FOXP3: variants seen among roughly 807,000 people sequenced by gnomAD.
The protein encoded by FOXP3 is forkhead box protein P3.
FOXP3 carries 5 observed loss-of-function variants against 31.2 expected under a neutral mutation model. The ratio of observed to expected loss-of-function variants is 0.16; its 90% CI spans 0.08 to 0.34. The LOEUF is 0.34. Ranked by LOEUF, FOXP3 falls within the 10% of genes least tolerant of loss-of-function variation. The pLI, the probability that FOXP3 is intolerant of heterozygous loss-of-function variation, is 1.00. For synonymous variants in FOXP3, 141 were observed against 148.8 expected, an observed-to-expected ratio of 0.95 and a Z score of 0.38; for missense variants, 251 against 363.0, an observed-to-expected ratio of 0.69 and a Z score of 2.51.
In FOXP3 at chrX:49,257,654, C is replaced by T. The variant is rs1557116597; in HGVS notation, c.315+10G>A. ...CTGCTCCCTCCTCCCTGCCCATTCA[C>T]CGTCCATACCTGGTGCATGAAATGT... On this transcript the variant is annotated intron_variant, in intron 3 of 11. Coordinates refer to ENST00000376207, the MANE Select transcript of FOXP3 (RefSeq NM_014009.4). The T allele has an allele frequency of 8.5e-7, 1 of 1,179,415 alleles. No homozygotes were observed.
Position 49,253,161 on chromosome X carries a change from G to T in FOXP3, c.1009C>A (p.Arg337=), listed in dbSNP as rs1057517736. ...AGCGTGGCGTAGGTGAAAGGGGGTC[G>T]CATGTTGTGGAACTTGAAGTAGTCC... The part of the protein sequence containing the change: ...NMDYFKFHNM[R]PPFTYATLIR... The change falls in exon 10 of 12, where the codon CGA becomes AGA. Residue 337 remains arginine, a synonymous_variant. Transcript: ENST00000376207. 15 of 1,207,388 alleles carry T rather than the reference G, an allele frequency of 1.2e-5. No individual in the cohort carries two copies. The highest frequency in any genetic ancestry group is 1.7e-5 in the Non-Finnish European group (15 of 894,025).
Position 49,251,101 on chromosome X carries a change from G to A in FOXP3, c.*233C>T, listed in dbSNP as rs2066027237. On this transcript the variant is annotated 3_prime_UTR_variant, in exon 12 of 12. Transcript: ENST00000376207. ...ACTGGGGGGTGTGTCTGGGGCGGAG[G>A]TGGGGGCTGGGGCCAGGACCGGGGC... 1 of 432,773 alleles carries A rather than the reference G, an allele frequency of 2.3e-6. No homozygotes were observed. The highest frequency in any genetic ancestry group is 2.6e-5 in the African/African-American group (1 of 38,944). The allele number at this position is 432,773 out of a possible 1,213,427, so 35.7% of individuals were successfully genotyped here. A position where few individuals can be genotyped will look rare whatever the true frequency, so the allele number is the denominator to read the frequency against.
intron 2 of FOXP3, among the ~76,000 whole-genome samples, 158 bp downstream of exon 2, chrX:49,258,138 C>T (rs1017797613): frequency 1.8e-5 from 2 of 111,715 alleles, no homozygotes; most frequent in Non-Finnish European, 3.8e-5. Flanking sequence ...TTTTCTTGGC[C>T]CTGCAACATC....
chrX:49,251,169 G>A lies in FOXP3; in HGVS notation c.*165C>T. 3 of 644,458 alleles carry A rather than the reference G, an allele frequency of 4.7e-6. No homozygotes were observed. The East Asian group carries it at 1.1e-4, about 23-fold the overall frequency. The allele number at this position is 644,458 out of a possible 1,213,427, so 53.1% of individuals were successfully genotyped here. ...GGGCAAAGGATATGATGGGGGAGGG[G>A]GTGGCTGCCAGCGGGGGAACAGGGG... On this transcript the variant is annotated 3_prime_UTR_variant, in exon 12 of 12. Coordinates refer to ENST00000376207, the MANE Select transcript of FOXP3 (RefSeq NM_014009.4).
At chrX:49,263,254 G>A (rs782204039) in intron 1 of FOXP3, among the ~76,000 whole-genome samples, 1 of 107,567 alleles carries the variant, frequency 9.3e-6, no homozygotes, top group Middle Eastern at 4.9e-3. Context: ...ATGTGATAAT[G>A]TGTTTTTCTT....
Position 49,258,380 on chromosome X carries a change from C to T in FOXP3, c.126G>A (p.Gly42=), listed in dbSNP as rs782586602. 1 of 1,168,265 alleles carries T rather than the reference C, an allele frequency of 8.6e-7. No homozygotes were observed. The highest frequency in any genetic ancestry group is 1.9e-5 in the South Asian group (1 of 52,848). ...ASDLLGARGP[G]GTFQGRDLRG... is the part of the protein sequence containing the mutation. ...GAAGATCTCGGCCCTGGAAGGTTCC[C>T]CCTGGGCCCCGGGCCCCCAGCAGGT... Residue 42 remains glycine, a synonymous_variant, in exon 2 of 12, where the codon GGG becomes GGA. Coordinates refer to ENST00000376207, the MANE Select transcript of FOXP3 (RefSeq NM_014009.4).
chrX:49,254,897 G>T (rs1176714431), intron 8 of FOXP3, among the ~76,000 whole-genome samples: 1 of 110,444 alleles, frequency 9.1e-6, no homozygotes, highest in East Asian at 2.8e-4. Context: ...ATTTGCATTT[G>T]CTTTAACAAC....
chrX:49,264,621 A>G (rs2147953540), intron 1 of FOXP3, 40 bp downstream of exon 1: 1 of 743,025 alleles, frequency 1.3e-6, no homozygotes, highest in Non-Finnish European at 1.6e-6. Flanking sequence ...ATCTCCTCCA[A>G]TGGGGCCCAC....
In FOXP3 at chrX:49,258,395, C is replaced by T. The variant is rs1557116727; in HGVS notation, c.111G>A (p.Gly37=). 2 of 1,172,697 alleles carry T rather than the reference C, an allele frequency of 1.7e-6. No homozygotes were observed. The highest frequency in any genetic ancestry group is 2.5e-5 in the Admixed American group (1 of 39,556). The stretch of plus-strand genomic sequence containing the variant: ...GGAAGGTTCCCCCTGGGCCCCGGGC[C>T]CCCAGCAGGTCTGAGGCTTTGGGTG... ...RAAPKASDLL[G]ARGPGGTFQG... Residue 37 remains glycine, a synonymous_variant, in exon 2 of 12, where the codon GGG becomes GGA. Transcript: ENST00000376207.
In FOXP3 at chrX:49,255,718, C is replaced by A; in HGVS notation, c.732G>T (p.Gln244His). 2.5e-6 allele frequency: 3 copies of A among 1,208,166 alleles called. No individual in the cohort carries two copies. The highest frequency in any genetic ancestry group is 3.4e-6 in the Non-Finnish European group (3 of 893,434). ...CCCTCCACCGCCCTGGCATTACCTG[C>A]TGCTCCAGAGACTGTACCATCTCTC... ...LQREMVQSLEQQLVLEKEKLS... is the reference protein window; with the variant it reads ...LQREMVQSLEHQLVLEKEKLS... The change falls in exon 7 of 12, where the codon CAG becomes CAT. Residue 244 changes from glutamine to histidine, a missense_variant. Gln to His is a conservative substitution (Grantham distance 24, BLOSUM62 0). Transcript: ENST00000376207.
In FOXP3 at chrX:49,251,785, G is replaced by A. The variant is rs782320012; in HGVS notation, c.1045-20C>T. The A allele has an allele frequency of 2.0e-5, 24 of 1,195,990 alleles. No homozygotes were observed. Among genetic ancestry groups the A allele is most frequent in the Non-Finnish European group, 2.3e-5 (21 of 893,702 alleles). On this transcript the variant is annotated intron_variant, in intron 10 of 11. Transcript: ENST00000376207. ...GATGGCCTGGAAGTTGGGGGGTGGGGTAAGGGGCACATTCCCCAAACTTGG... is the reference window on the plus strand; with the variant it reads ...GATGGCCTGGAAGTTGGGGGGTGGGATAAGGGGCACATTCCCCAAACTTGG...
chrX:49,257,548 G>C lies in FOXP3; in HGVS notation c.333C>G (p.Ala111=). Residue 111 remains alanine, a synonymous_variant, in exon 4 of 12, where the codon GCC becomes GCG. Coordinates refer to ENST00000376207, the MANE Select transcript of FOXP3 (RefSeq NM_014009.4). ...CCTGCAGCACAGGGGTCCGGGCGTG[G>C]GCATCCACCGTTGAGAGCTGGGGGG... ...HFMHQLSTVD[A]HARTPVLQVH... 1 of 1,184,991 alleles carries C rather than the reference G, an allele frequency of 8.4e-7. No individual in the cohort carries two copies. The highest frequency in any genetic ancestry group is 3.0e-5 in the East Asian group (1 of 33,393).
rs1296295919 is a variant in FOXP3, at chrX:49,250,753, C to G, written c.*581G>C. On this transcript the variant is annotated 3_prime_UTR_variant, in exon 12 of 12. Transcript: ENST00000376207. ...GGACCTCAGATCCTGAGGGTACTGA[C>G]GCTGCTTCTGTGTAGGCCTCTGGGC... 4.0e-6 allele frequency: 1 copy of G among 251,759 alleles called. No individual in the cohort carries two copies. The highest frequency in any genetic ancestry group is 7.4e-6 in the Non-Finnish European group (1 of 135,557). 20.7% of individuals were successfully genotyped at this position (251,759 alleles called of 1,213,427 possible). A position where few individuals can be genotyped will look rare whatever the true frequency, so the allele number is the denominator to read the frequency against.
At chrX:49,252,459 T>TATC (rs2066039977) in intron 10 of FOXP3, among the ~76,000 whole-genome samples, 1 of 110,313 alleles carries the variant, frequency 9.1e-6, no homozygotes, top group Non-Finnish European at 1.9e-5. Context: ...GCAGTGAGGC[T>TATC]ATCAGTCAGG....
Position 49,250,607 on chromosome X carries a change from G to C in FOXP3, c.*727C>G. 3.0e-6 allele frequency: 1 copy of C among 337,716 alleles called. No individual in the cohort carries two copies. The highest frequency in any genetic ancestry group is 5.5e-6 in the Non-Finnish European group (1 of 180,894). The allele number at this position is 337,716 out of a possible 1,213,427, so 27.8% of individuals were successfully genotyped here. On this transcript the variant is annotated 3_prime_UTR_variant, in exon 12 of 12. Transcript: ENST00000376207. ...CACGGGGTATTTTTGGCAAGGCAGTGTGTGTGGCTGTGTGTGTCTGCACGG... is the reference window on the plus strand; with the variant it reads ...CACGGGGTATTTTTGGCAAGGCAGTCTGTGTGGCTGTGTGTGTCTGCACGG...
rs1433785732 is a variant in FOXP3, at chrX:49,264,702, T to A, written c.-64A>T. 5.3e-6 allele frequency: 4 copies of A among 751,866 alleles called. No individual in the cohort carries two copies. The highest frequency in any genetic ancestry group is 6.3e-6 in the Non-Finnish European group (4 of 638,811). The allele number at this position is 751,866 out of a possible 1,213,427, so 62.0% of individuals were successfully genotyped here. A position where few individuals can be genotyped will look rare whatever the true frequency, so the allele number is the denominator to read the frequency against. The stretch of plus-strand genomic sequence containing the variant: ...GACAGAAAAGGATCAGCCTGGCTTG[T>A]GGGAAACTGTCACGTATCAAAAACA... On this transcript the variant is annotated 5_prime_UTR_variant, in exon 1 of 12. Coordinates refer to ENST00000376207, the MANE Select transcript of FOXP3 (RefSeq NM_014009.4).
At position 49,250,569 on chromosome X, in the gene FOXP3, G is replaced by T. The variant is rs1254714575; in HGVS notation, c.*765C>A. The T allele has an allele frequency of 7.5e-6, 3 of 402,538 alleles. No homozygotes were observed. Among genetic ancestry groups the T allele is most frequent in the African/African-American group, 4.9e-5 (2 of 40,913 alleles). The allele number at this position is 402,538 out of a possible 1,213,427, so 33.2% of individuals were successfully genotyped here. A position where few individuals can be genotyped will look rare whatever the true frequency, so the allele number is the denominator to read the frequency against. ...GGCTCAGGGAATGGGAGTGAGGTGA[G>T]TGGCAGGGGAGACACGGGGTATTTT... On this transcript the variant is annotated 3_prime_UTR_variant, in exon 12 of 12. Transcript: ENST00000376207.
At chrX:49,264,545 G>A (rs932669533) in intron 1 of FOXP3, 116 bp downstream of exon 1, 24 of 294,518 alleles carry the variant, frequency 8.1e-5, no homozygotes, top group African/African-American at 6.2e-4. Flanking sequence ...CTGGAATCAC[G>A]GTAGCTGGGT....
At position 49,256,765 on chromosome X, in the gene FOXP3, T is replaced by C. The variant is rs2066075974; in HGVS notation, c.633A>G (p.Pro211=). ...WPGCEKVFEE[P]EDFLKHCQAD... is the part of the protein sequence containing the mutation. ...GGGCCACTCACTTGAGGAAGTCCTC[T>C]GGCTCTTCGAAGACCTTCTCACATC... is the stretch of plus-strand genomic sequence containing the variant. Residue 211 remains proline, a synonymous_variant, in exon 6 of 12, where the codon CCA becomes CCG. Transcript: ENST00000376207. 7 of 1,210,422 alleles carry C rather than the reference T, an allele frequency of 5.8e-6. No individual in the cohort carries two copies. The highest frequency in any genetic ancestry group is 2.3e-4 in the Middle Eastern group (1 of 4,373).
Sources: allele counts gnomAD v4.1 joint callset (sites outside exome capture counted in the v4.1 genomes callset), GRCh38; gene constraint gnomAD v4.1.1; transcripts MANE v1.5; gene names NCBI Gene and HGNC (gene_info 2026-07-23, HGNC 2026-07-21).